The following MON2 variants were observed in gnomAD, a reference collection of about 807,000 sequenced individuals.
MON2 encodes the protein protein MON2 homolog.
In MON2, 84 loss-of-function variants were observed where a neutral mutation model predicts 208.6. The ratio of observed to expected loss-of-function variants is 0.40; its 90% CI spans 0.34 to 0.48. The LOEUF is 0.48. Among genes scored for constraint, MON2 ranks in the 20% least tolerant of loss-of-function variants. The probability of loss-of-function intolerance (pLI) is 0.59; values close to 1 mark genes in which losing one functional copy is unlikely to be tolerated. For synonymous variants in MON2, 660 were observed against 694.0 expected, an observed-to-expected ratio of 0.95 and a Z score of 0.77; for missense variants, 1,611 against 2,015.4, an observed-to-expected ratio of 0.80 and a Z score of 3.84.
intron 8 of MON2, among the ~76,000 whole-genome samples, chr12:62,521,911 G>A (rs1398077297): frequency 6.6e-6 from 1 of 152,192 alleles, no homozygotes; most frequent in Non-Finnish European, 1.5e-5. Context: ...AGGGGCTAGT[G>A]GCTGGGTGTG....
intron 34 of MON2, 96 bp from the exon 35 acceptor site, chr12:62,592,490 T>G: frequency 1.0e-6 from 1 of 968,832 alleles, no homozygotes; most frequent in Non-Finnish European, 1.5e-6. Context: ...TTTCAGAGTT[T>G]TTTCTTTACA....
intron 12 of MON2, among the ~76,000 whole-genome samples, chr12:62,533,957 CA>C (rs1370797315): frequency 7.2e-5 from 11 of 152,264 alleles, no homozygotes; most frequent in Admixed American, 7.2e-4. Flanking sequence ...ACATTTTGCT[CA>C]GTGTATTTAC....
chr12:62,596,488 C>A lies in MON2; in HGVS notation c.*3739C>A, dbSNP rs2075529337. On this transcript the variant is annotated 3_prime_UTR_variant, in exon 35 of 35. Coordinates refer to ENST00000393630, the MANE Select transcript of MON2 (RefSeq NM_015026.3). ...AAATGATCTCTGAAAGCATTGCCAG[C>A]AGCCAGGTATGTTCCTTAGATTTCC... The A allele has an allele frequency of 1.3e-5, 2 of 152,206 alleles. No individual in the cohort carries two copies. Among genetic ancestry groups the A allele is most frequent in the Non-Finnish European group, 2.9e-5 (2 of 68,042 alleles). 9.4% of individuals were successfully genotyped at this position (152,206 alleles called of 1,614,324 possible).
chr12:62,506,009 T>C (rs1277278607), intron 7 of MON2, among the ~76,000 whole-genome samples: 1 of 152,090 alleles, frequency 6.6e-6, no homozygotes, highest in East Asian at 1.9e-4. Context: ...AGTGGAGAAG[T>C]AGAGTTGGGA....
chr12:62,524,667 TA>T, intron 9 of MON2, 28 bp downstream of exon 9: 7 of 1,604,996 alleles, frequency 4.4e-6, no homozygotes, highest in Non-Finnish European at 6.0e-6. Context: ...GTTTGTTAAA[TA>T]GATAGGTTAA....
intron 32 of MON2, 137 bp from the exon 33 acceptor site, chr12:62,585,157 C>T (rs2075181431): frequency 3.5e-6 from 2 of 567,822 alleles, no homozygotes; most frequent in Non-Finnish European, 6.3e-6. Context: ...TATATGTATG[C>T]TATTAGCTAT....
chr12:62,592,116 A>G (rs1191697557), intron 34 of MON2, among the ~76,000 whole-genome samples: 2 of 152,228 alleles, frequency 1.3e-5, no homozygotes, highest in Non-Finnish European at 2.9e-5. Context: ...TCTGTTTGTG[A>G]CAGTTTGTAA....
rs2074177939 is a variant in MON2 at position 62,561,020 on chromosome 12, A to C, written c.3939A>C (p.Ser1313=). 28 of 1,613,650 alleles carry C rather than the reference A, an allele frequency of 1.7e-5. No homozygotes were observed. The highest frequency in any genetic ancestry group is 2.3e-5 in the Non-Finnish European group (27 of 1,179,588). Residue 1313 remains serine (S), a synonymous_variant, in exon 26 of 35, where the codon TCA becomes TCC. Coordinates refer to ENST00000393630, the MANE Select transcript of MON2 (RefSeq NM_015026.3). ...GTGCTATTTCAGTCCCAATAAGTTC[A>C]GATGCATCCCCTTTTATTCTTCCAT... ...LHSAISVPIS[S]DASPFILPSY... is the part of the protein sequence containing the mutation.
intron 7 of MON2, among the ~76,000 whole-genome samples, chr12:62,504,672 C>T (rs921342683): frequency 5.8e-5 from 8 of 137,630 alleles, no homozygotes; most frequent in South Asian, 2.3e-4. Flanking sequence ...TCCAGAGATA[C>T]GTATTTGTTT....
intron 8 of MON2, among the ~76,000 whole-genome samples, chr12:62,513,992 A>G (rs900496398): frequency 6.8e-6 from 1 of 147,354 alleles, no homozygotes; most frequent in Non-Finnish European, 1.5e-5. Context: ...GCCTTCTGCC[A>G]GTTACCCTAA....
chr12:62,487,970 A>T (rs1030653348), intron 2 of MON2, among the ~76,000 whole-genome samples: 1 of 152,184 alleles, frequency 6.6e-6, no homozygotes, highest in African/African-American at 2.4e-5. Flanking sequence ...CCCTGAGGTC[A>T]GAGTCAACAT....
At chr12:62,495,672 A>G (rs528247538) in intron 4 of MON2, among the ~76,000 whole-genome samples, 26 of 146,274 alleles carry the variant, frequency 1.8e-4, no homozygotes, top group African/African-American at 6.6e-4. Flanking sequence ...CCTGGGCGAC[A>G]GAGTGAGACT....
At chr12:62,499,740 G>T (rs532143985) in intron 5 of MON2, among the ~76,000 whole-genome samples, 1 of 151,932 alleles carries the variant, frequency 6.6e-6, no homozygotes, top group African/African-American at 2.4e-5. Flanking sequence ...GGGTGTGGTG[G>T]TGTGCACCTG....
Position 62,557,962 on chromosome 12 carries a change from ATTTTTTTTTTTT to A in MON2, c.3409+1788_3409+1799del, listed in dbSNP as rs869193690. 9.6e-4 allele frequency among the ~76,000 whole-genome samples: 20 copies of A among 20,868 alleles called. No individual in the cohort carries two copies. In the East Asian group the frequency reaches 0.033, roughly 34 times the overall value. 13.7% of individuals were successfully genotyped at this position (20,868 alleles called of 152,430 possible). On this transcript the variant is annotated intron_variant, in intron 25 of 34. Transcript: ENST00000393630. The stretch of plus-strand genomic sequence containing the variant: ...TATATATATATATATATATATATAT[ATTTTTTTTTTTT>A]TTTTTTTTTTTTTTTTTGAGATGGA...
intron 2 of MON2, among the ~76,000 whole-genome samples, chr12:62,493,652 G>C (rs1036932560): frequency 6.6e-6 from 1 of 152,118 alleles, no homozygotes; most frequent in African/African-American, 2.4e-5. Context: ...AGAGTTTGTA[G>C]CAGAAGATGG....
chr12:62,487,900 A>G (rs1484741435), intron 2 of MON2, among the ~76,000 whole-genome samples: 1 of 151,704 alleles, frequency 6.6e-6, no homozygotes, highest in Admixed American at 6.6e-5. Flanking sequence ...TAGCCTACCT[A>G]CTCCTTCATT....
chr12:62,474,910 C>T (rs909588419), intron 1 of MON2, among the ~76,000 whole-genome samples: 7 of 152,088 alleles, frequency 4.6e-5, no homozygotes, highest in African/African-American at 1.2e-4. Flanking sequence ...TAGCATACTT[C>T]TCCTTTTTTC....
chr12:62,568,039 T>A (rs558044092), intron 29 of MON2, among the ~76,000 whole-genome samples: 12 of 152,320 alleles, frequency 7.9e-5, no homozygotes, highest in African/African-American at 2.9e-4. Flanking sequence ...TGAATAAAAA[T>A]TGAGTTCCTC....
intron 8 of MON2, among the ~76,000 whole-genome samples, chr12:62,515,213 T>C (rs2071623981): frequency 6.6e-6 from 1 of 152,234 alleles, no homozygotes; most frequent in African/African-American, 2.4e-5. Context: ...ATTTTTGTAA[T>C]AGCCAAGAGG....
Sources: allele counts gnomAD v4.1 joint callset (sites outside exome capture counted in the v4.1 genomes callset), GRCh38; gene constraint gnomAD v4.1.1; transcripts MANE v1.5; gene names NCBI Gene and HGNC (gene_info 2026-07-23, HGNC 2026-07-21).